Variants in RARS2 observed in about 807,000 individuals in gnomAD.
The protein encoded by RARS2 is probable arginine--tRNA ligase, mitochondrial.
Under a neutral mutation model 88.5 loss-of-function variants are expected in RARS2, and 67 were observed. The ratio of observed to expected loss-of-function variants is 0.76; its 90% confidence interval spans 0.62 to 0.93. RARS2 has a LOEUF of 0.93. Ranked by LOEUF, RARS2 falls within the 40% of genes least tolerant of loss-of-function variation. The pLI is 0.00. For missense variants in RARS2, 664 were observed against 684.2 expected (o/e 0.97, Z 0.33); for synonymous variants, 239 against 230.3 (o/e 1.04, Z -0.34).
chr6:87,536,908 C>T (rs577503371), intron 8 of RARS2, among the ~76,000 whole-genome samples: 2 of 152,224 alleles, frequency 1.3e-5, no homozygotes, highest in African/African-American at 2.4e-5. Context: ...CTAGGTCCCA[C>T]GTACAAAACA....
At chr6:87,575,566 A>G (rs945576089) in intron 1 of RARS2, among the ~76,000 whole-genome samples, 2 of 152,162 alleles carry the variant, frequency 1.3e-5, no homozygotes, top group African/African-American at 4.8e-5. Flanking sequence ...AGGTGCTATT[A>G]GCAATAAGTG....
At chr6:87,532,578 C>A (rs1582415063) in intron 8 of RARS2, among the ~76,000 whole-genome samples, 1 of 152,192 alleles carries the variant, frequency 6.6e-6, no homozygotes, top group African/African-American at 2.4e-5. Flanking sequence ...CCTTGTGTGA[C>A]TCCACTGGGA....
intron 10 of RARS2, among the ~76,000 whole-genome samples, chr6:87,527,372 T>C (rs979565271): frequency 2.0e-5 from 3 of 152,142 alleles, no homozygotes; most frequent in Non-Finnish European, 2.9e-5. Flanking sequence ...CATATCCATA[T>C]GCAGAAGAAT....
intron 1 of RARS2, among the ~76,000 whole-genome samples, chr6:87,581,254 A>T (rs1460982306): frequency 6.6e-6 from 1 of 152,236 alleles, no homozygotes; most frequent in East Asian, 1.9e-4. Flanking sequence ...TATCTTTAGC[A>T]ACCAGACATT....
intron 8 of RARS2, among the ~76,000 whole-genome samples, chr6:87,538,226 G>A (rs552642462): frequency 7.9e-5 from 12 of 152,296 alleles, no homozygotes; most frequent in African/African-American, 2.6e-4. Context: ...TGGTCTTGTC[G>A]TCTATTACAA....
chr6:87,570,218 C>T (rs1401071059), intron 1 of RARS2, among the ~76,000 whole-genome samples: 1 of 152,174 alleles, frequency 6.6e-6, no homozygotes, highest in Non-Finnish European at 1.5e-5. Flanking sequence ...GTTGCCCAGG[C>T]TGGTCTTGAA....
chr6:87,542,008 C>A lies in RARS2; in HGVS notation c.536-14G>T, dbSNP rs1173557651. The A allele has an allele frequency of 4.4e-6, 7 of 1,603,914 alleles. No individual in the cohort carries two copies. Among genetic ancestry groups the A allele is most frequent in the Non-Finnish European group, 6.0e-6 (7 of 1,171,378 alleles). On this transcript the variant is annotated splice_polypyrimidine_tract_variant and intron_variant, in intron 7 of 19. Coordinates refer to ENST00000369536, the MANE Select transcript of RARS2 (RefSeq NM_020320.5). The stretch of plus-strand genomic sequence containing the variant: ...TTCCCAGAAGACCTACCATGATAAT[C>A]CGTAAATGAAAAATTATAAAGTTGA...
Position 87,566,988 on chromosome 6 carries a change from C to T in RARS2, c.110+2529G>A, listed in dbSNP as rs551277753. Among the ~76,000 whole-genome samples the T allele has an allele frequency of 6.6e-5, 10 of 152,216 alleles. No homozygotes were observed. In the South Asian group the frequency reaches 2.1e-3, roughly 32 times the overall value. On this transcript the variant is annotated intron_variant, in intron 2 of 19. Coordinates refer to ENST00000369536, the MANE Select transcript of RARS2 (RefSeq NM_020320.5). The stretch of plus-strand genomic sequence containing the variant: ...CTGAGGCAGGCGCATGTTGCCCAAG[C>T]TGGTCTTGAACTCCTGAGCTCAAGC...
chr6:87,515,630 T>C (rs1263452561), intron 18 of RARS2, among the ~76,000 whole-genome samples: 4 of 149,070 alleles, frequency 2.7e-5, no homozygotes, highest in Non-Finnish European at 5.9e-5. Context: ...TAACACAGCA[T>C]GGCCTTTCCC....
At chr6:87,560,773 G>C (rs909047667) in intron 4 of RARS2, among the ~76,000 whole-genome samples, 1 of 152,186 alleles carries the variant, frequency 6.6e-6, no homozygotes, top group Non-Finnish European at 1.5e-5. Context: ...TGTAATCCCA[G>C]CTACCTGGGG....
chr6:87,547,694 A>G (rs1782993326), intron 6 of RARS2, among the ~76,000 whole-genome samples: 1 of 150,836 alleles, frequency 6.6e-6, no homozygotes, highest in South Asian at 2.1e-4. Context: ...CCCAGGCTGT[A>G]GTGCAGTGGT....
chr6:87,541,838 T>A (rs920900370), intron 8 of RARS2, 80 bp downstream of exon 8: 121 of 1,138,380 alleles, frequency 1.1e-4, no homozygotes, highest in Non-Finnish European at 1.5e-4. Context: ...TAAAGAAAAA[T>A]AAACCTCTGG....
chr6:87,525,468 C>T (rs908888729), intron 10 of RARS2, among the ~76,000 whole-genome samples: 8 of 151,444 alleles, frequency 5.3e-5, no homozygotes, highest in Middle Eastern at 3.4e-3. Flanking sequence ...CTGAAGAATC[C>T]GCCAAAAACT....
At chr6:87,527,535 A>G (rs1776149904) in intron 10 of RARS2, among the ~76,000 whole-genome samples, 1 of 152,232 alleles carries the variant, frequency 6.6e-6, no homozygotes, top group African/African-American at 2.4e-5. Context: ...AGGCAACAAA[A>G]GCAAAAAATA....
At chr6:87,573,900 TAAA>T (rs1770598353) in intron 1 of RARS2, among the ~76,000 whole-genome samples, 1 of 152,150 alleles carries the variant, frequency 6.6e-6, no homozygotes, top group East Asian at 1.9e-4. Flanking sequence ...GATAGTCAAG[TAAA>T]AATACAATAG....
intron 10 of RARS2, among the ~76,000 whole-genome samples, chr6:87,527,260 G>C (rs983540346): frequency 6.6e-6 from 1 of 152,104 alleles, no homozygotes; most frequent in East Asian, 1.9e-4. Flanking sequence ...ACTGAGCCAA[G>C]ATCATGCCAC....
At chr6:87,589,698 T>C in intron 1 of RARS2, 1 of 985,036 alleles carries the variant, frequency 1.0e-6, no homozygotes, top group Non-Finnish European at 1.2e-6. Context: ...AAGCACCAGG[T>C]ACCTTTCAAA....
At chr6:87,537,692 A>G (rs1266520602) in intron 8 of RARS2, among the ~76,000 whole-genome samples, 1 of 152,024 alleles carries the variant, frequency 6.6e-6, no homozygotes, top group African/African-American at 2.4e-5. Flanking sequence ...CTTGATATGG[A>G]AAAAAAACAA....
chr6:87,578,192 T>C (rs1383612919), intron 1 of RARS2, among the ~76,000 whole-genome samples: 2 of 151,714 alleles, frequency 1.3e-5, no homozygotes, highest in African/African-American at 4.9e-5. Context: ...GGAATAATAG[T>C]ACTATTTTAC....
Sources: gnomAD v4.1 joint callset for allele counts (sites outside exome capture counted in the v4.1 genomes callset) on GRCh38, gnomAD v4.1.1 for gene constraint, MANE v1.5 for transcripts, NCBI Gene and HGNC (gene_info 2026-07-23, HGNC 2026-07-21) for gene names.